The following LRRC53 variants were observed in gnomAD, a reference collection of about 807,000 sequenced individuals.
LRRC53 encodes leucine rich repeat containing 53, also known as leucine-rich repeat-containing protein 53.
LRRC53 carries 25 observed loss-of-function variants against 13.6 expected under a neutral mutation model. The observed-to-expected ratio is 1.83, with a 90% confidence interval of 1.34 to 2.56. The LOEUF (loss-of-function observed/expected upper bound fraction) is 2.56, where lower values mean the gene tolerates loss of function less well. Among genes scored for constraint, LRRC53 ranks in the 30% most tolerant of loss-of-function variants. The pLI is 0.00. For missense variants in LRRC53, 527 were observed against 275.8 expected, an observed-to-expected ratio of 1.91 and a Z score of -6.45; for synonymous variants, 204 against 109.8, an observed-to-expected ratio of 1.86 and a Z score of -5.37.
Position 74,480,982 on chromosome 1 carries a change from A to G in LRRC53, c.89-14T>C. On this transcript the variant is annotated splice_polypyrimidine_tract_variant and intron_variant, in intron 2 of 4. Transcript: ENST00000294635. ...TCATAGGGGCTGCTGTGGGGAAAAAAGCACAGACTAGATGCAGGGTACACA... is the reference window on the plus strand; with the variant it reads ...TCATAGGGGCTGCTGTGGGGAAAAAGGCACAGACTAGATGCAGGGTACACA... 2 of 697,900 alleles carry G rather than the reference A, an allele frequency of 2.9e-6. No homozygotes were observed. Among genetic ancestry groups the G allele is most frequent in the South Asian group, 3.2e-5 (2 of 63,012 alleles). The allele number at this position is 697,900 out of a possible 1,614,324, so 43.2% of individuals were successfully genotyped here. A position where few individuals can be genotyped will look rare whatever the true frequency, so the allele number is the denominator to read the frequency against.
At chr1:74,489,512 G>T (rs1417272620) in intron 1 of LRRC53, among the ~76,000 whole-genome samples, 1 of 152,136 alleles carries the variant, frequency 6.6e-6, no homozygotes, top group Non-Finnish European at 1.5e-5. Context: ...CTTAAAAATT[G>T]ATAAGTAAAA....
intron 1 of LRRC53, among the ~76,000 whole-genome samples, chr1:74,508,920 A>G (rs1670044692): frequency 6.6e-6 from 1 of 152,194 alleles, no homozygotes; most frequent in South Asian, 2.1e-4. Context: ...AAATTCATAT[A>G]AAACACTTAA....
intron 1 of LRRC53, among the ~76,000 whole-genome samples, chr1:74,491,420 A>G (rs1417398273): frequency 1.3e-5 from 2 of 152,130 alleles, no homozygotes; most frequent in Non-Finnish European, 2.9e-5. Flanking sequence ...GGGTTTCACC[A>G]TGTTGACCAG....
At chr1:74,533,524 A>G in the LRRC53 span, among the ~76,000 whole-genome samples, 1 of 152,152 alleles carries the variant, frequency 6.6e-6, no homozygotes, top group East Asian at 1.9e-4. Context: ...GGGATCTAGA[A>G]CTAGAAATAC....
At position 74,471,099 on chromosome 1, in the gene LRRC53, G is replaced by A. The variant is rs75237842; in HGVS notation, c.2523C>T (p.Pro841=). ...GCTCAGCATCAGTGGGTGTAGGTTG[G>A]GGCAATTTTGATGTGTTTCCATCAG... ...HIPDGNTSKL[P]QPTPTDAEHR... is the part of the protein sequence containing the mutation. Residue 841 remains proline (P), a synonymous_variant, in exon 5 of 5, where the codon CCC becomes CCT. Coordinates refer to ENST00000294635, the MANE Select transcript of LRRC53 (RefSeq NM_001382280.1). The A allele has an allele frequency of 7.3e-3, 2,922 of 400,662 alleles. 79 individuals carry two copies. The highest frequency in any genetic ancestry group is 0.055 in the African/African-American group (2,673 of 48,778). 24.8% of individuals were successfully genotyped at this position (400,662 alleles called of 1,614,324 possible).
At chr1:74,501,519 C>T (rs1350275687) in intron 1 of LRRC53, among the ~76,000 whole-genome samples, 1 of 143,336 alleles carries the variant, frequency 7.0e-6, no homozygotes, top group Non-Finnish European at 1.5e-5. Context: ...TTGAGACTGG[C>T]TCTGTCACCC....
rs1368657253 is a variant in LRRC53 at position 74,480,972 on chromosome 1, T to C, written c.89-4A>G. 2 of 702,972 alleles carry C rather than the reference T, an allele frequency of 2.8e-6. No individual in the cohort carries two copies. The highest frequency in any genetic ancestry group is 5.4e-5 in the East Asian group (2 of 37,214). The allele number at this position is 702,972 out of a possible 1,614,324, so 43.5% of individuals were successfully genotyped here. A position where few individuals can be genotyped will look rare whatever the true frequency, so the allele number is the denominator to read the frequency against. On this transcript the variant is annotated splice_polypyrimidine_tract_variant and splice_region_variant and intron_variant, in intron 2 of 4. Transcript: ENST00000294635. ...ACCCTCGTGGTCATAGGGGCTGCTG[T>C]GGGGAAAAAAGCACAGACTAGATGC...
chr1:74,531,882 A>G, the LRRC53 span, among the ~76,000 whole-genome samples: 4 of 152,330 alleles, frequency 2.6e-5, no homozygotes, highest in East Asian at 5.8e-4. Context: ...GCAATAAACC[A>G]CAAAACATGT....
chr1:74,513,776 T>C (rs1351666666), upstream of LRRC53, among the ~76,000 whole-genome samples: 2 of 152,226 alleles, frequency 1.3e-5, no homozygotes, highest in African/African-American at 4.8e-5. Context: ...CTTTACAGTT[T>C]AGTGAATTTC....
In LRRC53 at chr1:74,475,320, C is replaced by G; in HGVS notation, c.1395G>C (p.Leu465=). The G allele has an allele frequency of 7.2e-6, 5 of 696,718 alleles. No homozygotes were observed. Among genetic ancestry groups the G allele is most frequent in the Non-Finnish European group, 1.3e-5 (5 of 376,828 alleles). 43.2% of individuals were successfully genotyped at this position (696,718 alleles called of 1,614,324 possible). A position where few individuals can be genotyped will look rare whatever the true frequency, so the allele number is the denominator to read the frequency against. Residue 465 remains leucine, a synonymous_variant, in exon 4 of 5, where the codon CTG becomes CTC. Transcript: ENST00000294635. ...LEPGEVQPQT[L]QHHIIRTEDI... Reference sequence around the variant, plus strand: ...CTTCTGTTCTTATTATATGGTGTTGCAGAGTTTGAGGCTGGACTTCTCCAG... The same window carrying G: ...CTTCTGTTCTTATTATATGGTGTTGGAGAGTTTGAGGCTGGACTTCTCCAG...
chr1:74,474,737 G>A (rs1439555489), intron 4 of LRRC53, among the ~76,000 whole-genome samples: 1 of 152,064 alleles, frequency 6.6e-6, no homozygotes, highest in Non-Finnish European at 1.5e-5. Context: ...AGATTCACTT[G>A]GCTCCCAGTG....
intron 1 of LRRC53, among the ~76,000 whole-genome samples, chr1:74,490,629 T>C (rs902363559): frequency 6.6e-6 from 1 of 152,156 alleles, no homozygotes; most frequent in Non-Finnish European, 1.5e-5. Flanking sequence ...AATTAACAGA[T>C]GAGAGTCAGC....
chr1:74,506,959 A>T (rs897672711), intron 1 of LRRC53, among the ~76,000 whole-genome samples: 3 of 152,130 alleles, frequency 2.0e-5, no homozygotes, highest in African/African-American at 7.2e-5. Context: ...AAGTTTCTTG[A>T]GGGGGAGAGC....
chr1:74,526,744 T>A, the LRRC53 span, among the ~76,000 whole-genome samples: 11 of 152,316 alleles, frequency 7.2e-5, no homozygotes, highest in African/African-American at 2.4e-4. Flanking sequence ...CTACATTCAC[T>A]GAGATATCAT....
At chr1:74,532,523 G>C in the LRRC53 span, among the ~76,000 whole-genome samples, 1 of 151,410 alleles carries the variant, frequency 6.6e-6, no homozygotes, top group Non-Finnish European at 1.5e-5. Flanking sequence ...TGTGCACAAT[G>C]TGCAGGTTAG....
chr1:74,510,951 G>A (rs149472850), intron 1 of LRRC53, among the ~76,000 whole-genome samples: 85 of 152,296 alleles, frequency 5.6e-4, no homozygotes, highest in African/African-American at 2.0e-3. Flanking sequence ...ACAATGGTGC[G>A]ATCTTGGCTC....
chr1:74,520,297 C>T, the LRRC53 span, among the ~76,000 whole-genome samples: 2 of 152,108 alleles, frequency 1.3e-5, no homozygotes, highest in African/African-American at 4.8e-5. Flanking sequence ...TAAGATATGG[C>T]ATTTAAATAC....
rs1200454934 is a variant in LRRC53 at position 74,471,627 on chromosome 1, T to C, written c.1995A>G (p.Lys665=). 5 of 400,680 alleles carry C rather than the reference T, an allele frequency of 1.2e-5. No individual in the cohort carries two copies. The highest frequency in any genetic ancestry group is 3.1e-4 in the Middle Eastern group (1 of 3,242). The allele number at this position is 400,680 out of a possible 1,614,324, so 24.8% of individuals were successfully genotyped here. Reference sequence around the variant, plus strand: ...ACTTAGTCAGTTGGTTACTTTGATTTTTCTGTCGTTTCCAAGGGGTTGATA... The same window carrying C: ...ACTTAGTCAGTTGGTTACTTTGATTCTTCTGTCGTTTCCAAGGGGTTGATA... ...PKISTPWKRQ[K]NQSNQLTKLD... Residue 665 remains lysine (K), a synonymous_variant, in exon 5 of 5, where the codon AAA becomes AAG. Coordinates refer to ENST00000294635, the MANE Select transcript of LRRC53 (RefSeq NM_001382280.1).
At chr1:74,505,376 C>G (rs953673272) in intron 1 of LRRC53, among the ~76,000 whole-genome samples, 1 of 152,142 alleles carries the variant, frequency 6.6e-6, no homozygotes, top group African/African-American at 2.4e-5. Flanking sequence ...ATTTGTGTTG[C>G]GAAGCTGAAT....
Sources: gnomAD v4.1 joint callset for allele counts (sites outside exome capture counted in the v4.1 genomes callset) on GRCh38, gnomAD v4.1.1 for gene constraint, MANE v1.5 for transcripts, NCBI Gene and HGNC (gene_info 2026-07-23, HGNC 2026-07-21) for gene names.